The following NLRC5 variants were observed in gnomAD, a reference collection of about 807,000 sequenced individuals.
NLRC5 encodes protein NLRC5.
Under a neutral mutation model 206.9 loss-of-function variants are expected in NLRC5, and 114 were observed. The observed-to-expected ratio is 0.55, with a 90% CI of 0.47 to 0.64. The LOEUF (loss-of-function observed/expected upper bound fraction) is 0.64. Among genes scored for constraint, NLRC5 ranks in the 30% least tolerant of loss-of-function variants. The probability of loss-of-function intolerance (pLI) is 0.00; values close to 1 mark genes in which losing one functional copy is unlikely to be tolerated. For synonymous variants in NLRC5, 952 were observed against 962.8 expected (o/e 0.99, Z 0.21); for missense variants, 2,008 against 2,305.5 (o/e 0.87, Z 2.64).
intron 21 of NLRC5, among the ~76,000 whole-genome samples, chr16:57,045,777 G>A (rs2063869998): frequency 6.6e-6 from 1 of 152,242 alleles, no homozygotes; most frequent in Non-Finnish European, 1.5e-5. Flanking sequence ...GCAGATTGCT[G>A]CTGTGTGGGA....
intron 32 of NLRC5, chr16:57,062,006 T>A (rs1467020650): frequency 1.4e-6 from 2 of 1,446,202 alleles, no homozygotes; most frequent in Non-Finnish European, 1.8e-6. Flanking sequence ...GAAGTTCTTG[T>A]CTGTCTGTTC....
intron 8 of NLRC5, 97 bp downstream of exon 8, chr16:57,028,482 C>A: frequency 1.0e-6 from 1 of 969,678 alleles, no homozygotes; most frequent in South Asian, 1.3e-5. Flanking sequence ...CAAGTCTGAC[C>A]AGTAGTTTTT....
At chr16:57,022,642 G>A (rs2060802473) in intron 4 of NLRC5, among the ~76,000 whole-genome samples, 1 of 152,226 alleles carries the variant, frequency 6.6e-6, no homozygotes, top group Non-Finnish European at 1.5e-5. Context: ...AAAGTGTCAG[G>A]CTTCATGGGG....
chr16:57,056,355 A>G (rs558540734), intron 27 of NLRC5, among the ~76,000 whole-genome samples: 32 of 151,980 alleles, frequency 2.1e-4, no homozygotes, highest in Non-Finnish European at 3.7e-4. Flanking sequence ...CAGTGGTGCA[A>G]TGATAGGTCA....
chr16:57,047,239 A>G (rs1256442968), intron 22 of NLRC5, among the ~76,000 whole-genome samples: 2 of 152,310 alleles, frequency 1.3e-5, no homozygotes, highest in East Asian at 3.9e-4. Flanking sequence ...GTGGAAGCCC[A>G]GAGGGTGTTA....
chr16:57,029,655 T>C lies in NLRC5; in HGVS notation c.2244-118T>C, dbSNP rs1253505927. The C allele has an allele frequency of 5.0e-6, 4 of 798,384 alleles. No homozygotes were observed. The East Asian group carries it at 1.1e-4, about 21-fold the overall frequency. 49.5% of individuals were successfully genotyped at this position (798,384 alleles called of 1,614,324 possible). The stretch of plus-strand genomic sequence containing the variant: ...AATCCGGCGAGCAGGCCATCAGCTC[T>C]TTCTGGGCCCCTGTCTTATGTCTCC... On this transcript the variant is annotated intron_variant, in intron 8 of 48. Transcript: ENST00000688547.
At chr16:57,076,035 G>A (rs1299941165) in intron 39 of NLRC5, 4 of 190,210 alleles carry the variant, frequency 2.1e-5, no homozygotes, top group South Asian at 6.0e-5. Context: ...TGCCTCAGCC[G>A]CCCAAGTAGC....
At chr16:57,027,499 A>G (rs1410750660) in intron 6 of NLRC5, among the ~76,000 whole-genome samples, 2 of 152,266 alleles carry the variant, frequency 1.3e-5, no homozygotes, top group Admixed American at 1.3e-4. Flanking sequence ...AGGCTGCAGT[A>G]ACAGAGAAAC....
chr16:57,024,737 C>T (rs754786426), intron 5 of NLRC5, among the ~76,000 whole-genome samples: 7 of 152,124 alleles, frequency 4.6e-5, no homozygotes, highest in Non-Finnish European at 8.8e-5. Flanking sequence ...TAGCTGGGCG[C>T]GGTGGCTCAC....
intron 27 of NLRC5, 66 bp from the exon 28 acceptor site, chr16:57,057,999 G>T: frequency 7.7e-7 from 1 of 1,298,848 alleles, no homozygotes; most frequent in South Asian, 1.2e-5. Context: ...GGCTCCTGGT[G>T]ACTGAGGAGC....
chr16:57,041,665 C>A, intron 18 of NLRC5, 91 bp downstream of exon 18: 2 of 1,028,044 alleles, frequency 1.9e-6, no homozygotes, highest in Non-Finnish European at 3.0e-6. Flanking sequence ...AGATTTAGAT[C>A]AACTGTTCTT....
At chr16:57,046,419 C>T (rs997759790) in intron 21 of NLRC5, 133 bp from the exon 22 acceptor site, 5 of 671,276 alleles carry the variant, frequency 7.4e-6, no homozygotes, top group Non-Finnish European at 1.3e-5. Context: ...CCCTGACTTT[C>T]CAAGTCTGGG....
intron 41 of NLRC5, 119 bp downstream of exon 41, chr16:57,077,498 G>T: frequency 9.5e-7 from 1 of 1,055,408 alleles, no homozygotes; most frequent in South Asian, 1.5e-5. Flanking sequence ...CAGTGTCCAG[G>T]CAGTGGGGCT....
chr16:57,066,450 A>T, intron 33 of NLRC5, 84 bp from the exon 34 acceptor site: 1 of 1,157,724 alleles, frequency 8.6e-7, no homozygotes, highest in Non-Finnish European at 1.3e-6. Flanking sequence ...GAGAGTTCAG[A>T]GTTGGAGCCG....
chr16:57,081,323 C>T (rs1218036671), intron 47 of NLRC5, 142 bp downstream of exon 47: 2 of 938,702 alleles, frequency 2.1e-6, no homozygotes, highest in Non-Finnish European at 3.2e-6. Flanking sequence ...AAGCCCCTGC[C>T]AGGCTTAGTT....
At chr16:57,078,902 G>T in intron 43 of NLRC5, 148 bp from the exon 44 acceptor site, 1 of 703,202 alleles carries the variant, frequency 1.4e-6, no homozygotes, top group African/African-American at 1.8e-5. Flanking sequence ...CAAAGCCAGG[G>T]TCCTTGATAC....
At chr16:56,993,824 G>T (rs1285581779) in intron 1 of NLRC5, among the ~76,000 whole-genome samples, 1 of 152,050 alleles carries the variant, frequency 6.6e-6, no homozygotes, top group African/African-American at 2.4e-5. Context: ...TTTGCTCTTT[G>T]TCTATTATAT....
At chr16:57,079,735 C>T in intron 46 of NLRC5, 106 bp downstream of exon 46, 3 of 818,552 alleles carry the variant, frequency 3.7e-6, no homozygotes, top group Non-Finnish European at 2.1e-6. Flanking sequence ...CTCCCATCCT[C>T]TCTGGCCAGT....
chr16:56,991,678 C>CTTTTTTTT (rs35559322), intron 1 of NLRC5, among the ~76,000 whole-genome samples: 2 of 105,632 alleles, frequency 1.9e-5, no homozygotes, highest in East Asian at 5.9e-4. Context: ...GCCCGGACTC[C>CTTTTTTTT]TTTTTTTTTT....
Sources: gnomAD v4.1 joint callset for allele counts (sites outside exome capture counted in the v4.1 genomes callset) on GRCh38, gnomAD v4.1.1 for gene constraint, MANE v1.5 for transcripts, NCBI Gene and HGNC (gene_info 2026-07-23, HGNC 2026-07-21) for gene names.